The following CCSER1 variants were observed in gnomAD, a reference collection of about 807,000 sequenced individuals.
The protein encoded by CCSER1 is coiled-coil serine rich protein 1, also known as serine-rich coiled-coil domain-containing protein 1.
In CCSER1, 41 loss-of-function variants were observed where a neutral mutation model predicts 82.0. The ratio of observed to expected loss-of-function variants is 0.50; its 90% confidence interval spans 0.39 to 0.65. The LOEUF (loss-of-function observed/expected upper bound fraction) is 0.65, where lower values mean the gene tolerates loss of function less well. Ranked by LOEUF, CCSER1 falls within the 30% of genes least tolerant of loss-of-function variation. The probability of loss-of-function intolerance (pLI) is 0.00; values close to 1 mark genes in which losing one functional copy is unlikely to be tolerated. For missense variants in CCSER1, 1,119 were observed against 1,064.2 expected, an observed-to-expected ratio of 1.05 and a Z score of -0.72; for synonymous variants, 414 against 383.9, an observed-to-expected ratio of 1.08 and a Z score of -0.92.
chr4:90,762,701 C>T (rs969718880), intron 7 of CCSER1, among the ~76,000 whole-genome samples: 5 of 152,082 alleles, frequency 3.3e-5, no homozygotes, highest in South Asian at 2.1e-4. Flanking sequence ...ATAACCATAC[C>T]AATTTTTGTT....
At chr4:90,431,573 G>A (rs76990657) in intron 4 of CCSER1, among the ~76,000 whole-genome samples, 4,186 of 152,144 alleles carry the variant, frequency 0.028, 83 homozygotes, top group Non-Finnish European at 0.04. Context: ...ACAACTAAAT[G>A]GAGATAAAAT....
chr4:90,514,565 G>A (rs190146084), intron 5 of CCSER1, among the ~76,000 whole-genome samples: 14 of 152,134 alleles, frequency 9.2e-5, no homozygotes, highest in Admixed American at 7.2e-4. Flanking sequence ...AGACCAGCCT[G>A]GCCAACATAG....
In CCSER1 at chr4:91,506,640, G is replaced by A. The variant is rs191465560; in HGVS notation, c.2218-91932G>A. ...TAGTGGAAATTAAAATAGGAATAAT[G>A]TGCTTTTCATAACATTAAAATATTC... On this transcript the variant is annotated intron_variant, in intron 10 of 10. Coordinates refer to ENST00000509176, the MANE Select transcript of CCSER1 (RefSeq NM_001145065.2). 1.6e-3 allele frequency among the ~76,000 whole-genome samples: 241 copies of A among 152,140 alleles called. 2 individuals carry two copies. The highest frequency in any genetic ancestry group is 5.5e-3 in the African/African-American group (229 of 41,514).
chr4:91,426,212 T>C (rs1753960041), intron 10 of CCSER1, among the ~76,000 whole-genome samples: 1 of 152,232 alleles, frequency 6.6e-6, no homozygotes, highest in African/African-American at 2.4e-5. Context: ...GCAAAGGACA[T>C]GAACTCATCC....
chr4:91,448,136 G>A (rs188111284), intron 10 of CCSER1, among the ~76,000 whole-genome samples: 2 of 151,970 alleles, frequency 1.3e-5, no homozygotes, highest in South Asian at 4.2e-4. Flanking sequence ...CAAATTAATC[G>A]GTCTCATTTT....
chr4:91,421,896 T>C (rs1028309766), intron 10 of CCSER1, among the ~76,000 whole-genome samples: 1 of 151,426 alleles, frequency 6.6e-6, no homozygotes, highest in African/African-American at 2.4e-5. Context: ...TAAAGGGCTT[T>C]ATATTTCAGC....
intron 10 of CCSER1, among the ~76,000 whole-genome samples, chr4:91,117,457 C>G (rs140617227): frequency 6.6e-6 from 1 of 152,282 alleles, no homozygotes; most frequent in East Asian, 1.9e-4. Context: ...TTATAACATT[C>G]TTAGAATAGT....
At chr4:91,044,253 A>T (rs1295473073) in intron 9 of CCSER1, among the ~76,000 whole-genome samples, 1 of 152,218 alleles carries the variant, frequency 6.6e-6, no homozygotes, top group African/African-American at 2.4e-5. Flanking sequence ...CATGAATGAT[A>T]GAATTGCTAC....
At chr4:91,584,971 T>C (rs569769130) in intron 10 of CCSER1, among the ~76,000 whole-genome samples, 57 of 151,624 alleles carry the variant, frequency 3.8e-4, no homozygotes, top group Non-Finnish European at 7.2e-4. Context: ...ACTGATTAAT[T>C]CCCAATTATG....
At chr4:90,442,733 A>G (rs1760070998) in intron 4 of CCSER1, among the ~76,000 whole-genome samples, 2 of 152,200 alleles carry the variant, frequency 1.3e-5, no homozygotes, top group Non-Finnish European at 2.9e-5. Context: ...TAGCCCATAT[A>G]AAATCAGTGT....
chr4:90,146,380 G>A (rs1725812304), intron 1 of CCSER1, among the ~76,000 whole-genome samples: 1 of 151,944 alleles, frequency 6.6e-6, no homozygotes, highest in Non-Finnish European at 1.5e-5. Context: ...TTTAACAAAT[G>A]TAAAGGGCAT....
rs2149764961 is a variant in CCSER1 at position 90,815,826 on chromosome 4, C to T, written c.2075C>T (p.Ser692Phe). The T allele has an allele frequency of 1.3e-6, 2 of 1,550,866 alleles. No homozygotes were observed. The highest frequency in any genetic ancestry group is 2.4e-5 in the South Asian group (2 of 83,996). ...LQLKEKDELI[S>F]QLQEELGKVR... ...CTGAAAGAGAAGGATGAACTCATTTCCCAACTTCAGGAAGAGCTGGTAAGT... is the reference window on the plus strand; with the variant it reads ...CTGAAAGAGAAGGATGAACTCATTTTCCAACTTCAGGAAGAGCTGGTAAGT... The change falls in exon 8 of 11, where the codon TCC (serine) becomes TTC (phenylalanine). Residue 692 changes from serine (S) to phenylalanine (F), a missense_variant. Transcript: ENST00000509176.
intron 8 of CCSER1, among the ~76,000 whole-genome samples, chr4:90,881,689 G>A (rs1361241587): frequency 6.6e-6 from 1 of 152,182 alleles, no homozygotes; most frequent in Non-Finnish European, 1.5e-5. Context: ...GGAGGCCGAG[G>A]TGGGAGGATT....
intron 10 of CCSER1, among the ~76,000 whole-genome samples, chr4:91,120,832 T>C (rs894564606): frequency 6.6e-6 from 1 of 151,728 alleles, no homozygotes; most frequent in African/African-American, 2.4e-5. Context: ...AAAAATGATA[T>C]CCAGAAACTA....
At chr4:90,558,147 T>G (rs1228069666) in intron 5 of CCSER1, among the ~76,000 whole-genome samples, 2 of 152,126 alleles carry the variant, frequency 1.3e-5, no homozygotes, top group Non-Finnish European at 2.9e-5. Context: ...TACTGATTAT[T>G]TCAGGAAAAA....
At chr4:90,591,697 G>A (rs1375686439) in intron 5 of CCSER1, among the ~76,000 whole-genome samples, 1 of 152,110 alleles carries the variant, frequency 6.6e-6, no homozygotes, top group Non-Finnish European at 1.5e-5. Flanking sequence ...TACACCCAAA[G>A]GGTTATAAAT....
At chr4:90,762,766 C>G (rs1750603502) in intron 7 of CCSER1, among the ~76,000 whole-genome samples, 1 of 152,000 alleles carries the variant, frequency 6.6e-6, no homozygotes, top group African/African-American at 2.4e-5. Flanking sequence ...AATTATCATG[C>G]CTTAATCCGG....
chr4:90,308,464 G>T lies in CCSER1; in HGVS notation c.180G>T (p.Arg60Ser). The T allele has an allele frequency of 6.2e-7, 1 of 1,613,808 alleles. No homozygotes were observed. Among genetic ancestry groups the T allele is most frequent in the South Asian group, 1.1e-5 (1 of 91,072 alleles). The change falls in exon 2 of 11, where the codon AGG (arginine) becomes AGT (serine). Residue 60 changes from arginine (R) to serine (S), a missense_variant. Arg to Ser is a moderately radical substitution (Grantham distance 110, BLOSUM62 -1). Transcript: ENST00000509176. ...GCTCAGGTAGCACAGGTAAACGGAGGAGCATATTCCGTACTCCTTCCATTA... is the reference window on the plus strand; with the variant it reads ...GCTCAGGTAGCACAGGTAAACGGAGTAGCATATTCCGTACTCCTTCCATTA... The part of the protein sequence containing the change: ...NSSSGSTGKR[R>S]SIFRTPSISF...
At chr4:90,353,281 G>T (rs896795290) in intron 3 of CCSER1, among the ~76,000 whole-genome samples, 5 of 152,016 alleles carry the variant, frequency 3.3e-5, no homozygotes, top group African/African-American at 9.7e-5. Flanking sequence ...GCAGAAACAT[G>T]GTGAGAATTG....
Sources: gnomAD v4.1 joint callset for allele counts (sites outside exome capture counted in the v4.1 genomes callset) on GRCh38, gnomAD v4.1.1 for gene constraint, MANE v1.5 for transcripts, NCBI Gene and HGNC (gene_info 2026-07-23, HGNC 2026-07-21) for gene names.